The following FAM83B variants were observed in gnomAD, a reference collection of about 807,000 sequenced individuals.
FAM83B encodes protein FAM83B.
Under a neutral mutation model 38.8 loss-of-function variants are expected in FAM83B, and 26 were observed. The ratio of observed to expected loss-of-function variants is 0.67; its 90% CI spans 0.49 to 0.93. The LOEUF (loss-of-function observed/expected upper bound fraction) is 0.93, where lower values mean the gene tolerates loss of function less well. Among genes scored for constraint, FAM83B ranks in the 40% least tolerant of loss-of-function variants. The pLI is 0.00. For synonymous variants in FAM83B, 419 were observed against 423.1 expected (o/e 0.99, Z 0.12); for missense variants, 1,237 against 1,197.3 (o/e 1.03, Z -0.49).
chr6:54,870,596 G>A lies in FAM83B; in HGVS notation c.350G>A (p.Gly117Glu), dbSNP rs1463440678. 1.9e-6 allele frequency: 3 copies of A among 1,613,794 alleles called. No homozygotes were observed. Among genetic ancestry groups the A allele is most frequent in the Non-Finnish European group, 2.5e-6 (3 of 1,179,928 alleles). ...CCATATGTGATGCCCGGACTCTTAG[G>A]GGGCACCCATATAGATCTCCTTTTT... Reference protein sequence around the residue: ...GWPYVMPGLLGGTHIDLLFHP... With the variant: ...GWPYVMPGLLEGTHIDLLFHP... The change falls in exon 2 of 5, where the codon GGG (glycine) becomes GAG (glutamate). Residue 117 changes from glycine (G) to glutamate (E), a missense_variant. By Grantham distance (98) the Gly-to-Glu change is moderately conservative (BLOSUM62 -2). Transcript: ENST00000306858.
chr6:54,917,034 T>C (rs1773058323), intron 2 of FAM83B, among the ~76,000 whole-genome samples: 1 of 152,190 alleles, frequency 6.6e-6, no homozygotes, highest in Non-Finnish European at 1.5e-5. Flanking sequence ...TAGGTACTGA[T>C]GACACATAAT....
Position 54,872,844 on chromosome 6 carries a change from C to T in FAM83B, c.444+2154C>T, listed in dbSNP as rs9367596. Among the ~76,000 whole-genome samples, 516 of 152,174 alleles carry T rather than the reference C, an allele frequency of 3.4e-3. 8 individuals are homozygous for T. The highest frequency in any genetic ancestry group is 0.033 in the East Asian group (171 of 5,180). On this transcript the variant is annotated intron_variant, in intron 2 of 4. Coordinates refer to ENST00000306858, the MANE Select transcript of FAM83B (RefSeq NM_001010872.3). ...CTTCTCTTTCATAAAATCAATGTGG[C>T]ATACAAATAAGAAAGACAATTGCAT... is the stretch of plus-strand genomic sequence containing the variant.
At position 54,927,651 on chromosome 6, in the gene FAM83B, A is replaced by G; in HGVS notation, c.734+19A>G. 1 of 1,523,856 alleles carries G rather than the reference A, an allele frequency of 6.6e-7. No individual in the cohort carries two copies. Among genetic ancestry groups the G allele is most frequent in the Non-Finnish European group, 8.8e-7 (1 of 1,130,070 alleles). The allele number at this position is 1,523,856 out of a possible 1,614,324, so 94.4% of individuals were successfully genotyped here. On this transcript the variant is annotated intron_variant, in intron 4 of 4. Coordinates refer to ENST00000306858, the MANE Select transcript of FAM83B (RefSeq NM_001010872.3). ...CTTACAGGTAAGATCATTGTGTTTA[A>G]CTTCAGTGTTATCAATCGTTTTGAT...
chr6:54,887,061 C>G lies in FAM83B; in HGVS notation c.444+16371C>G, dbSNP rs546435140. Among the ~76,000 whole-genome samples the G allele has an allele frequency of 4.6e-5, 7 of 152,194 alleles. No homozygotes were observed. In the South Asian group the frequency reaches 1.5e-3, roughly 32 times the overall value. On this transcript the variant is annotated intron_variant, in intron 2 of 4. Coordinates refer to ENST00000306858, the MANE Select transcript of FAM83B (RefSeq NM_001010872.3). Reference sequence around the variant, plus strand: ...TTATACTGTGATCAGATAATTTACTCTGTATGACTTATGTACTTTGACAAT... The same window carrying G: ...TTATACTGTGATCAGATAATTTACTGTGTATGACTTATGTACTTTGACAAT...
intron 2 of FAM83B, among the ~76,000 whole-genome samples, chr6:54,895,561 T>C (rs778232102): frequency 2.0e-5 from 3 of 152,244 alleles, no homozygotes; most frequent in Non-Finnish European, 4.4e-5. Flanking sequence ...ACAGTTTTAA[T>C]ACACATTTAC....
intron 1 of FAM83B, among the ~76,000 whole-genome samples, chr6:54,864,570 T>C (rs1503138): frequency 0.91 from 138,865 of 152,234 alleles, 63,578 homozygotes; most frequent in East Asian, 1. Context: ...AGCTTAGAAT[T>C]TTTTAATGAG....
In FAM83B at chr6:54,939,734, C is replaced by T. The variant is rs1374521394; in HGVS notation, c.763C>T (p.Leu255Phe). The change falls in exon 5 of 5, where the codon CTC becomes TTC. Residue 255 changes from leucine (L) to phenylalanine (F), a missense_variant. Transcript: ENST00000306858. Reference protein sequence around the residue: ...SYMWSFEKAHLSMVQIITGQL... With the variant: ...SYMWSFEKAHFSMVQIITGQL... Reference sequence around the variant, plus strand: ...TATGTGGTCATTTGAGAAAGCTCACCTCAGCATGGTTCAGATAATTACAGG... The same window carrying T: ...TATGTGGTCATTTGAGAAAGCTCACTTCAGCATGGTTCAGATAATTACAGG... 1 of 1,608,964 alleles carries T rather than the reference C, an allele frequency of 6.2e-7. No individual in the cohort carries two copies. The highest frequency in any genetic ancestry group is 8.5e-7 in the Non-Finnish European group (1 of 1,178,094).
chr6:54,927,276 G>A (rs1773315430), intron 3 of FAM83B, among the ~76,000 whole-genome samples: 1 of 152,030 alleles, frequency 6.6e-6, no homozygotes, highest in Admixed American at 6.6e-5. Flanking sequence ...GAGGCTGAGT[G>A]ATCTTTGATG....
chr6:54,910,769 A>C (rs1312700903), intron 2 of FAM83B, among the ~76,000 whole-genome samples: 1 of 152,136 alleles, frequency 6.6e-6, no homozygotes, highest in African/African-American at 2.4e-5. Context: ...TGAATGATAG[A>C]ATCCCCTTTG....
At chr6:54,923,464 A>C (rs772988619) in intron 2 of FAM83B, among the ~76,000 whole-genome samples, 9 of 152,002 alleles carry the variant, frequency 5.9e-5, no homozygotes, top group Non-Finnish European at 1.2e-4. Context: ...GACTCTGCCT[A>C]CTCCATTCCT....
At position 54,861,380 on chromosome 6, in the gene FAM83B, C is replaced by G. The variant is rs9370331; in HGVS notation, c.-60-8807C>G. ...GACCAGCCTGGCCAACATGGCAAAA[C>G]CCTGGCTCTACCAAAAATACAAAAA... On this transcript the variant is annotated intron_variant, in intron 1 of 4. Transcript: ENST00000306858. 3.4e-3 allele frequency among the ~76,000 whole-genome samples: 510 copies of G among 152,150 alleles called. 8 individuals carry two copies. The highest frequency in any genetic ancestry group is 0.032 in the East Asian group (165 of 5,154).
intron 2 of FAM83B, among the ~76,000 whole-genome samples, chr6:54,905,759 A>G (rs1772764366): frequency 6.6e-6 from 1 of 152,154 alleles, no homozygotes; most frequent in South Asian, 2.1e-4. Context: ...AAGTTGAATA[A>G]AACTAAAATA....
intron 2 of FAM83B, among the ~76,000 whole-genome samples, chr6:54,889,696 T>C (rs1041516214): frequency 1.3e-5 from 2 of 152,180 alleles, no homozygotes; most frequent in African/African-American, 4.8e-5. Context: ...TCAAATATTT[T>C]CTGGAAACAG....
intron 2 of FAM83B, among the ~76,000 whole-genome samples, chr6:54,921,871 A>G (rs1164864563): frequency 6.6e-6 from 1 of 152,016 alleles, no homozygotes; most frequent in Non-Finnish European, 1.5e-5. Flanking sequence ...ATTCTTTCCC[A>G]GGAATGTAAC....
intron 1 of FAM83B, among the ~76,000 whole-genome samples, chr6:54,866,314 CAG>C (rs530838966): frequency 1.6e-3 from 240 of 151,890 alleles, no homozygotes; most frequent in Middle Eastern, 6.8e-3. Context: ...GGCAAAAATC[CAG>C]AGAGATTCTT....
At chr6:54,846,502 A>T (rs189980333), upstream of FAM83B, among the ~76,000 whole-genome samples, 66 of 152,328 alleles carry the variant, frequency 4.3e-4, 1 homozygote, top group African/African-American at 1.4e-3. Flanking sequence ...CGGGCAGGAA[A>T]GAAAGGCTTT....
At chr6:54,894,090 T>G (rs1772464476) in intron 2 of FAM83B, among the ~76,000 whole-genome samples, 1 of 152,232 alleles carries the variant, frequency 6.6e-6, no homozygotes, top group Admixed American at 6.5e-5. Context: ...CCTTTATATT[T>G]TTCTGTAGAG....
chr6:54,852,200 T>C (rs1771316625), intron 1 of FAM83B, among the ~76,000 whole-genome samples: 1 of 152,238 alleles, frequency 6.6e-6, no homozygotes, highest in African/African-American at 2.4e-5. Flanking sequence ...CTTTGCTTTA[T>C]GGTACTTTGC....
chr6:54,887,963 CAT>C (rs1056579174), intron 2 of FAM83B, among the ~76,000 whole-genome samples: 2 of 150,272 alleles, frequency 1.3e-5, no homozygotes, highest in African/African-American at 4.9e-5. Flanking sequence ...TAGTATATAA[CAT>C]GTAATTACTG....
Sources: gnomAD v4.1 joint callset for allele counts (sites outside exome capture counted in the v4.1 genomes callset) on GRCh38, gnomAD v4.1.1 for gene constraint, MANE v1.5 for transcripts, NCBI Gene and HGNC (gene_info 2026-07-23, HGNC 2026-07-21) for gene names.